Variants in PLEKHA1 observed in about 807,000 individuals in gnomAD.
PLEKHA1 encodes the protein pleckstrin homology domain containing A1.
Under a neutral mutation model 52.0 loss-of-function variants are expected in PLEKHA1, and 34 were observed. The observed-to-expected ratio is 0.65, with a 90% CI of 0.50 to 0.87. The LOEUF (loss-of-function observed/expected upper bound fraction) is 0.87. PLEKHA1 is among the 40% of genes least tolerant of loss of function. The pLI is 0.00. For synonymous variants in PLEKHA1, 163 were observed against 170.7 expected, an observed-to-expected ratio of 0.95 and a Z score of 0.35; for missense variants, 497 against 504.2, an observed-to-expected ratio of 0.99 and a Z score of 0.14.
Position 122,393,183 on chromosome 10 carries a change from T to G in PLEKHA1, c.-18T>G. On this transcript the variant is annotated splice_region_variant and 5_prime_UTR_variant, in exon 2 of 12. Transcript: ENST00000368990. This position sits in a 1 kb window ranked among gnomAD's most constrained non-coding sequence, Gnocchi z 4.5. ...CTGTTAATATTTTTATTTTACAGTG[T>G]AATGTTCAAGCTCAGAAATGCCTTA... The G allele has an allele frequency of 6.2e-7, 1 of 1,602,296 alleles. No individual in the cohort carries two copies. The highest frequency in any genetic ancestry group is 1.1e-5 in the South Asian group (1 of 88,104).
intron 1 of PLEKHA1, among the ~76,000 whole-genome samples, chr10:122,392,946 G>T (rs2096796786): frequency 6.6e-6 from 1 of 152,090 alleles, no homozygotes; most frequent in Non-Finnish European, 1.5e-5. Context: ...CAGCTGAGGT[G>T]AGTAGCTCTC....
intron 3 of PLEKHA1, among the ~76,000 whole-genome samples, chr10:122,399,715 T>C (rs541952616): frequency 1.2e-4 from 18 of 152,240 alleles, no homozygotes; most frequent in Middle Eastern, 3.4e-3. Context: ...CCTGAGTAGC[T>C]GGGACTACAG....
intron 8 of PLEKHA1, chr10:122,421,119 G>A (rs1262572930): frequency 6.9e-6 from 1 of 144,228 alleles, no homozygotes; most frequent in African/African-American, 2.6e-5. Context: ...TAACATTACA[G>A]TGAGGAAACC....
the PLEKHA1 span, chr10:122,438,133 G>C: frequency 6.6e-6 from 1 of 152,438 alleles, no homozygotes; most frequent in South Asian, 2.1e-4. Flanking sequence ...GCGTGCATCT[G>C]TAGTCCCAGC....
chr10:122,384,638 T>C (rs1436773962), intron 1 of PLEKHA1, among the ~76,000 whole-genome samples: 1 of 147,584 alleles, frequency 6.8e-6, no homozygotes, highest in Admixed American at 6.7e-5. Context: ...TGACTTGTAG[T>C]CATTTATAAA....
rs75145773 is a variant in PLEKHA1 at position 122,410,083 on chromosome 10, C to T, written c.343-2837C>T. 6.4e-3 allele frequency among the ~76,000 whole-genome samples: 970 copies of T among 152,228 alleles called. 10 individuals are homozygous for T. Among genetic ancestry groups the T allele is most frequent in the African/African-American group, 0.021 (884 of 41,530 alleles). ...CAGGCGTGAGCCACCGCGCCTAGCC[C>T]AACATTATATTTTCATTCTTGGTGA... On this transcript the variant is annotated intron_variant, in intron 5 of 11. Transcript: ENST00000368990.
At chr10:122,381,619 G>C (rs2096616418) in intron 1 of PLEKHA1, among the ~76,000 whole-genome samples, 1 of 152,186 alleles carries the variant, frequency 6.6e-6, no homozygotes, top group Non-Finnish European at 1.5e-5. Context: ...TGTACAGACT[G>C]TGGAACTGTG....
chr10:122,386,455 T>C (rs2096700274), intron 1 of PLEKHA1, among the ~76,000 whole-genome samples: 1 of 152,192 alleles, frequency 6.6e-6, no homozygotes, highest in African/African-American at 2.4e-5. Context: ...CATTTCTTTA[T>C]GGTGTCTTTT....
intron 1 of PLEKHA1, among the ~76,000 whole-genome samples, chr10:122,376,592 C>A (rs2096541656): frequency 6.6e-6 from 1 of 151,314 alleles, no homozygotes; most frequent in Admixed American, 6.6e-5. Flanking sequence ...CAATCTTTAT[C>A]TTGTTAATTA....
intron 8 of PLEKHA1, chr10:122,420,695 A>G (rs1299343871): frequency 6.6e-6 from 1 of 152,228 alleles, no homozygotes; most frequent in Admixed American, 6.5e-5. Flanking sequence ...TTCCTCACCT[A>G]CTTTGCTCTC....
chr10:122,428,135 T>C, intron 11 of PLEKHA1: 1 of 778,338 alleles, frequency 1.3e-6, no homozygotes, highest in Admixed American at 4.2e-5. Flanking sequence ...AGAGGAAAAG[T>C]TGGAGAAGGA....
chr10:122,406,532 G>T (rs1368220434), intron 4 of PLEKHA1, 44 bp from the exon 5 acceptor site: 1 of 1,464,262 alleles, frequency 6.8e-7, no homozygotes, highest in Non-Finnish European at 9.6e-7. Flanking sequence ...AAATTTAGAG[G>T]TAATAAGTAC....
chr10:122,414,725 A>G (rs1331093768), intron 6 of PLEKHA1, among the ~76,000 whole-genome samples: 2 of 152,168 alleles, frequency 1.3e-5, no homozygotes, highest in Non-Finnish European at 2.9e-5. Context: ...CAGGGAAAAA[A>G]TACAAATTAA....
chr10:122,426,159 AT>A (rs1374653027), intron 10 of PLEKHA1, among the ~76,000 whole-genome samples: 6 of 152,028 alleles, frequency 3.9e-5, no homozygotes, highest in African/African-American at 7.2e-5. Context: ...ACTTTGCCTG[AT>A]TTCTTTAGGG....
intron 1 of PLEKHA1, among the ~76,000 whole-genome samples, chr10:122,386,110 A>G (rs1393703450): frequency 6.6e-6 from 1 of 152,212 alleles, no homozygotes; most frequent in Non-Finnish European, 1.5e-5. Context: ...GCAATATATG[A>G]TAGTTCGTTT....
At chr10:122,410,089 T>A (rs1192683941) in intron 5 of PLEKHA1, among the ~76,000 whole-genome samples, 1 of 152,220 alleles carries the variant, frequency 6.6e-6, no homozygotes, top group Non-Finnish European at 1.5e-5. Context: ...AGCCCAACAT[T>A]ATATTTTCAT....
chr10:122,377,583 G>A (rs1174137239), intron 1 of PLEKHA1, among the ~76,000 whole-genome samples: 2 of 152,134 alleles, frequency 1.3e-5, no homozygotes, highest in Non-Finnish European at 2.9e-5. Context: ...AGCTTTAGAT[G>A]ATTGTTTATA....
At chr10:122,405,917 T>G (rs1248282331) in intron 4 of PLEKHA1, among the ~76,000 whole-genome samples, 1 of 152,084 alleles carries the variant, frequency 6.6e-6, no homozygotes, top group Non-Finnish European at 1.5e-5. Flanking sequence ...GTCTCCTCTT[T>G]CCTTCTCCCC....
Position 122,393,226 on chromosome 10 carries a change from G to A in PLEKHA1, c.26G>A (p.Arg9His), listed in dbSNP as rs769179533. 1.2e-6 allele frequency: 2 copies of A among 1,611,442 alleles called. No individual in the cohort carries two copies. The highest frequency in any genetic ancestry group is 1.3e-5 in the African/African-American group (1 of 74,940). The part of the protein sequence containing the change: MPYVDRQN[R>H]ICGFLDIEEN... ...ATGCCTTATGTGGATCGTCAGAATC[G>A]CATTTGTGGTTTTCTAGACATTGAA... Residue 9 changes from arginine to histidine, a missense_variant, in exon 2 of 12, where the codon CGC becomes CAC. Arg to His is a conservative substitution (Grantham distance 29). Coordinates refer to ENST00000368990, the MANE Select transcript of PLEKHA1 (RefSeq NM_001001974.4). This position sits in a 1 kb window ranked among gnomAD's most constrained non-coding sequence, Gnocchi z 4.5.
Sources: gnomAD v4.1 joint callset for allele counts (sites outside exome capture counted in the v4.1 genomes callset) on GRCh38, gnomAD v4.1.1 for gene constraint, Gnocchi (gnomAD v3.1) non-coding constraint, MANE v1.5 for transcripts, NCBI Gene and HGNC (gene_info 2026-07-23, HGNC 2026-07-21) for gene names.